The following LRRTM4 variants were observed in gnomAD, a reference collection of about 807,000 sequenced individuals.
The protein encoded by LRRTM4 is leucine rich repeat transmembrane neuronal 4, also known as leucine-rich repeat transmembrane neuronal protein 4.
A neutral mutation model predicts 47.6 loss-of-function variants in LRRTM4; 25 were observed. That is an observed-to-expected ratio of 0.53 (90% CI 0.38 to 0.73). The LOEUF (loss-of-function observed/expected upper bound fraction) is 0.73, where lower values mean the gene tolerates loss of function less well. Ranked by LOEUF, LRRTM4 falls within the 30% of genes least tolerant of loss-of-function variation. The pLI is 0.00. For synonymous variants in LRRTM4, 311 were observed against 269.5 expected (o/e 1.15, Z -1.51); for missense variants, 638 against 713.4 (o/e 0.89, Z 1.20).
At chr2:76,792,281 T>TTTAAGATGAAAGTCA (rs1228533874) in intron 3 of LRRTM4, among the ~76,000 whole-genome samples, 1 of 151,982 alleles carries the variant, frequency 6.6e-6, no homozygotes, top group Non-Finnish European at 1.5e-5. Flanking sequence ...ACCTTCACTG[T>TTTAAGATGAAAGTCA]TTAAGATGAA....
At chr2:77,264,386 A>G (rs1675997695) in intron 3 of LRRTM4, among the ~76,000 whole-genome samples, 1 of 152,066 alleles carries the variant, frequency 6.6e-6, no homozygotes, top group African/African-American at 2.4e-5. Context: ...TTCTTTTTGT[A>G]TAAAGATAAT....
At chr2:77,202,543 T>C (rs1437219786) in intron 3 of LRRTM4, among the ~76,000 whole-genome samples, 9 of 152,000 alleles carry the variant, frequency 5.9e-5, no homozygotes, top group Admixed American at 3.3e-4. Flanking sequence ...CATTGGAATT[T>C]GGATAATTTT....
intron 3 of LRRTM4, among the ~76,000 whole-genome samples, chr2:77,113,363 C>T (rs1671301402): frequency 6.6e-6 from 1 of 152,162 alleles, no homozygotes; most frequent in African/African-American, 2.4e-5. Context: ...TAGGACCATA[C>T]TGAGTACAAG....
intron 3 of LRRTM4, among the ~76,000 whole-genome samples, chr2:77,501,305 T>C (rs1050418492): frequency 6.6e-6 from 1 of 150,712 alleles, no homozygotes; most frequent in Admixed American, 6.7e-5. Context: ...GGTGTTTTCA[T>C]ATATATTTGT....
intron 3 of LRRTM4, among the ~76,000 whole-genome samples, chr2:77,260,132 T>C (rs76099858): frequency 0.017 from 2,544 of 152,148 alleles, 26 homozygotes; most frequent in Non-Finnish European, 0.026. Flanking sequence ...AGGTCTTTAC[T>C]AGATTTTTAA....
intron 3 of LRRTM4, among the ~76,000 whole-genome samples, chr2:77,330,923 CA>C (rs891958771): frequency 5.9e-5 from 9 of 152,146 alleles, no homozygotes; most frequent in African/African-American, 1.4e-4. Context: ...GTCAAAATGT[CA>C]AAAGGGCACT....
chr2:76,869,413 GTTTTGTATA>G (rs1672560649), intron 3 of LRRTM4, among the ~76,000 whole-genome samples: 1 of 152,138 alleles, frequency 6.6e-6, no homozygotes, highest in Admixed American at 6.5e-5. Context: ...ATAGTCACCA[GTTTTGTATA>G]TTTCTTCCAT....
At chr2:77,190,235 G>A (rs571625849) in intron 3 of LRRTM4, among the ~76,000 whole-genome samples, 164 of 150,992 alleles carry the variant, frequency 1.1e-3, no homozygotes, top group Non-Finnish European at 2.1e-3. Flanking sequence ...GGTTGGAGAT[G>A]GGGCCCATAA....
chr2:77,019,253 C>CA (rs56028060), intron 3 of LRRTM4, among the ~76,000 whole-genome samples: 7,486 of 80,464 alleles, frequency 0.093, 480 homozygotes, highest in African/African-American at 0.16. Context: ...CACTGCTCTA[C>CA]AAAAAAAAAA....
At chr2:77,406,152 G>C (rs1315178973) in intron 3 of LRRTM4, among the ~76,000 whole-genome samples, 2 of 152,128 alleles carry the variant, frequency 1.3e-5, no homozygotes, top group East Asian at 3.9e-4. Flanking sequence ...GCTGGGGGAG[G>C]AGAGTGGCAG....
chr2:77,210,120 G>A (rs954939333), intron 3 of LRRTM4, among the ~76,000 whole-genome samples: 5 of 152,180 alleles, frequency 3.3e-5, no homozygotes, highest in African/African-American at 1.2e-4. Flanking sequence ...TGCTGCTGCT[G>A]ATTTCTGACA....
intron 3 of LRRTM4, among the ~76,000 whole-genome samples, chr2:77,269,388 G>C (rs1676132795): frequency 6.6e-6 from 1 of 152,046 alleles, no homozygotes; most frequent in Non-Finnish European, 1.5e-5. Context: ...TTAAATTACT[G>C]TGAATAAGTT....
chr2:77,007,277 G>C (rs938087484), intron 3 of LRRTM4, among the ~76,000 whole-genome samples: 6 of 152,070 alleles, frequency 3.9e-5, no homozygotes, highest in Non-Finnish European at 8.8e-5. Context: ...AGGATTGTGA[G>C]TAAAAAGAGG....
At chr2:77,189,784 CAT>C (rs1491105768) in intron 3 of LRRTM4, among the ~76,000 whole-genome samples, 2 of 151,938 alleles carry the variant, frequency 1.3e-5, no homozygotes, top group African/African-American at 4.8e-5. Context: ...CACACACACA[CAT>C]TTATATATAC....
At chr2:77,105,227 C>T (rs984949450) in intron 3 of LRRTM4, among the ~76,000 whole-genome samples, 5 of 151,966 alleles carry the variant, frequency 3.3e-5, no homozygotes, top group Admixed American at 6.6e-5. Context: ...CAATAGAAAA[C>T]AGCAACGTCT....
At chr2:77,265,670 A>G (rs1481058639) in intron 3 of LRRTM4, among the ~76,000 whole-genome samples, 1 of 152,146 alleles carries the variant, frequency 6.6e-6, no homozygotes, top group African/African-American at 2.4e-5. Context: ...ATGTACAAAG[A>G]AGTGTACTAT....
Position 76,856,096 on chromosome 2 carries a change from G to A in LRRTM4, c.1552-107180C>T, listed in dbSNP as rs182729737. Among the ~76,000 whole-genome samples the A allele has an allele frequency of 3.9e-5, 6 of 152,198 alleles. No individual in the cohort carries two copies. The East Asian group carries it at 1.2e-3, about 29-fold the overall frequency. On this transcript the variant is annotated intron_variant, in intron 3 of 3. Coordinates refer to ENST00000409884, the MANE Select transcript of LRRTM4 (RefSeq NM_001134745.3). ...GTTTGAGACCAGCCTGGCCAACATG[G>A]TGAAACCCCATCTCTACTAAAACTA...
intron 3 of LRRTM4, among the ~76,000 whole-genome samples, chr2:76,861,971 C>G (rs1021431401): frequency 6.6e-6 from 1 of 152,008 alleles, no homozygotes; most frequent in African/African-American, 2.4e-5. Flanking sequence ...ATAAGGCATT[C>G]GTTGCCTGGA....
rs570906294 is a variant in LRRTM4, at chr2:77,138,764, G to C, written c.1551+379554C>G. ...GAAGAAAAGAGAGAAGAATCAAATA[G>C]ACGCAATAAAAAATGATAAAGGGGA... On this transcript the variant is annotated intron_variant, in intron 3 of 3. Transcript: ENST00000409884. Among the ~76,000 whole-genome samples, 8 of 152,022 alleles carry C rather than the reference G, an allele frequency of 5.3e-5. No individual in the cohort carries two copies. In the South Asian group the frequency reaches 1.7e-3, roughly 32 times the overall value.
Sources: allele counts gnomAD v4.1 joint callset (sites outside exome capture counted in the v4.1 genomes callset), GRCh38; gene constraint gnomAD v4.1.1; transcripts MANE v1.5; gene names NCBI Gene and HGNC (gene_info 2026-07-23, HGNC 2026-07-21).